The following PCDHB7 variants were observed in gnomAD, a reference collection of about 807,000 sequenced individuals.
PCDHB7 encodes protocadherin beta-7.
For synonymous variants in PCDHB7, 542 were observed against 463.1 expected, an observed-to-expected ratio of 1.17 and a Z score of -2.19; for missense variants, 1,148 against 1,011.6, an observed-to-expected ratio of 1.13 and a Z score of -1.83.
In PCDHB7 at chr5:141,175,279, G is replaced by A; in HGVS notation, c.*62G>A. 2 of 1,470,016 alleles carry A rather than the reference G, an allele frequency of 1.4e-6. No individual in the cohort carries two copies. The highest frequency in any genetic ancestry group is 1.8e-6 in the Non-Finnish European group (2 of 1,083,038). 91.1% of individuals were successfully genotyped at this position (1,470,016 alleles called of 1,614,324 possible). On this transcript the variant is annotated 3_prime_UTR_variant, in exon 1 of 1. Transcript: ENST00000231137. ...TTTCTGATTAGGAACTTATTGCGAGGTTCCCTTAAGGGAGTGTCTTTACAT... is the reference window on the plus strand; with the variant it reads ...TTTCTGATTAGGAACTTATTGCGAGATTCCCTTAAGGGAGTGTCTTTACAT...
chr5:141,173,087 A>G lies in PCDHB7; in HGVS notation c.252A>G (p.Leu84=). The G allele has an allele frequency of 6.2e-7, 1 of 1,614,170 alleles. No homozygotes were observed. The highest frequency in any genetic ancestry group is 1.1e-5 in the South Asian group (1 of 91,076). The change falls in exon 1 of 1, where the codon CTA becomes CTG. Residue 84 remains leucine, a synonymous_variant. Coordinates refer to ENST00000231137, the MANE Select transcript of PCDHB7 (RefSeq NM_018940.4). ...ILLLSSLTGD[L]LLNEKLDREE... is the part of the protein sequence containing the mutation. ...TGCTCAGTTCGCTTACTGGTGATCT[A>G]CTTCTAAATGAGAAATTGGACCGAG...
In PCDHB7 at chr5:141,174,233, C is replaced by T. The variant is rs782335891; in HGVS notation, c.1398C>T (p.Pro466=). 4.3e-6 allele frequency: 7 copies of T among 1,613,244 alleles called. No individual in the cohort carries two copies. Among genetic ancestry groups the T allele is most frequent in the Non-Finnish European group, 5.1e-6 (6 of 1,180,036 alleles). ...TGTTTGTCCGTGAGAACAACAGCCC[C>T]GCCCTGCCCATCGGCAGTGTCAGCG... ...YTLFVRENNS[P]ALPIGSVSAT... Residue 466 remains proline, a synonymous_variant, in exon 1 of 1, where the codon CCC becomes CCT. Transcript: ENST00000231137.
chr5:141,174,706 T>G lies in PCDHB7; in HGVS notation c.1871T>G (p.Val624Gly). The G allele has an allele frequency of 6.2e-7, 1 of 1,610,860 alleles. No homozygotes were observed. Among genetic ancestry groups the G allele is most frequent in the Non-Finnish European group, 8.5e-7 (1 of 1,179,728 alleles). The change falls in exon 1 of 1, where the codon GTG (valine) becomes GGG (glycine). Residue 624 changes from valine (V) to glycine (G), a missense_variant. Transcript: ENST00000231137. ...GGCGTGTGGGCGCACAATGGCGAGG[T>G]GCGTACCGCCAGGCTGCTGAGCGAG... Reference protein sequence around the residue: ...LFGVWAHNGEVRTARLLSERD... With the variant: ...LFGVWAHNGEGRTARLLSERD...
In PCDHB7 at chr5:141,175,969, C is replaced by G. The variant is rs1554280601; in HGVS notation, c.*752C>G. 1 of 167,182 alleles carries G rather than the reference C, an allele frequency of 6.0e-6. No homozygotes were observed. Among genetic ancestry groups the G allele is most frequent in the Non-Finnish European group, 1.5e-5 (1 of 68,202 alleles). 10.4% of individuals were successfully genotyped at this position (167,182 alleles called of 1,614,324 possible). On this transcript the variant is annotated 3_prime_UTR_variant, in exon 1 of 1. Transcript: ENST00000231137. ...CTTATACACCAAAAGTCCTGCTTTT[C>G]TGGGTCAATTTTCAACTATTATTAC...
chr5:141,173,613 A>C lies in PCDHB7; in HGVS notation c.778A>C (p.Met260Leu). The C allele has an allele frequency of 2.5e-6, 4 of 1,614,164 alleles. No individual in the cohort carries two copies. The highest frequency in any genetic ancestry group is 3.4e-6 in the Non-Finnish European group (4 of 1,180,030). Residue 260 changes from methionine (M) to leucine (L), a missense_variant, in exon 1 of 1, where the codon ATG becomes CTG. Coordinates refer to ENST00000231137, the MANE Select transcript of PCDHB7 (RefSeq NM_018940.4). ...QVPENSPVGSMVVSVSARDLD... is the reference protein window; with the variant it reads ...QVPENSPVGSLVVSVSARDLD... ...GCCCGAAAATAGCCCCGTTGGTTCC[A>C]TGGTTGTCTCCGTGTCAGCCAGAGA...
rs1267965723 is a variant in PCDHB7, at chr5:141,176,106, G to A, written c.*889G>A. 1 of 167,114 alleles carries A rather than the reference G, an allele frequency of 6.0e-6. No individual in the cohort carries two copies. The highest frequency in any genetic ancestry group is 2.4e-5 in the African/African-American group (1 of 41,436). 10.4% of individuals were successfully genotyped at this position (167,114 alleles called of 1,614,324 possible). The stretch of plus-strand genomic sequence containing the variant: ...TCATTTCCCAGAAAAAAGATTAATG[G>A]TCCTGAGTAGGAATATTACATAATT... On this transcript the variant is annotated 3_prime_UTR_variant, in exon 1 of 1. Coordinates refer to ENST00000231137, the MANE Select transcript of PCDHB7 (RefSeq NM_018940.4).
rs137933246 is a variant in PCDHB7 at position 141,173,782 on chromosome 5, C to A, written c.947C>A (p.Thr316Lys). Residue 316 changes from threonine to lysine, a missense_variant, in exon 1 of 1, where the codon ACA becomes AAA. Coordinates refer to ENST00000231137, the MANE Select transcript of PCDHB7 (RefSeq NM_018940.4). Reference protein sequence around the residue: ...QLDYEAIQTYTLTIQAKDGGG... With the variant: ...QLDYEAIQTYKLTIQAKDGGG... ...GACTATGAGGCAATTCAAACTTACA[C>A]ATTAACTATTCAGGCCAAAGACGGC... The A allele has an allele frequency of 1.5e-4, 247 of 1,614,024 alleles. No homozygotes were observed. Among genetic ancestry groups the A allele is most frequent in the Non-Finnish European group, 2.1e-4 (243 of 1,180,026 alleles).
Position 141,173,919 on chromosome 5 carries a change from G to T in PCDHB7, c.1084G>T (p.Glu362Ter), listed in dbSNP as rs138641501. 85 of 1,612,616 alleles carry T rather than the reference G, an allele frequency of 5.3e-5. 1 individual carries two copies. Among genetic ancestry groups the T allele is most frequent in the Middle Eastern group, 5.0e-4 (3 of 6,054 alleles). Residue 362 changes from glutamate to a stop codon, truncating the protein, a stop_gained, in exon 1 of 1, where the codon GAG (glutamate) becomes TAG (stop). Coordinates refer to ENST00000231137, the MANE Select transcript of PCDHB7 (RefSeq NM_018940.4). LOFTEE classifies it low-confidence loss of function (END_TRUNC). Reference protein sequence around the residue: ...LTSPIAENSPETVVAVFRIRD... With the variant: ...LTSPIAENSP ...TAGCCCAATTGCAGAAAACTCACCC[G>T]AGACAGTCGTGGCTGTTTTTAGGAT...
Position 141,173,567 on chromosome 5 carries a change from G to T in PCDHB7, c.732G>T (p.Arg244=). The change falls in exon 1 of 1, where the codon CGG becomes CGT. Residue 244 remains arginine, a synonymous_variant. Coordinates refer to ENST00000231137, the MANE Select transcript of PCDHB7 (RefSeq NM_018940.4). The stretch of plus-strand genomic sequence containing the variant: ...ATGACAACGCCCCTGATTTTGTGCG[G>T]TCGCTCTACAAGGTGCAGGTGCCCG... The part of the protein sequence containing the change: ...DVNDNAPDFV[R]SLYKVQVPEN... 6.2e-7 allele frequency: 1 copy of T among 1,613,648 alleles called. No individual in the cohort carries two copies.
chr5:141,172,924 C>A lies in PCDHB7; in HGVS notation c.89C>A (p.Pro30Gln), dbSNP rs1554279853. 1 of 1,614,174 alleles carries A rather than the reference C, an allele frequency of 6.2e-7. No homozygotes were observed. The highest frequency in any genetic ancestry group is 8.5e-7 in the Non-Finnish European group (1 of 1,180,044). Residue 30 changes from proline to glutamine, a missense_variant, in exon 1 of 1, where the codon CCG becomes CAG. Coordinates refer to ENST00000231137, the MANE Select transcript of PCDHB7 (RefSeq NM_018940.4). ...FLGMSWAGAE[P>Q]LRYFVAEETE... ...GGAATGTCTTGGGCTGGCGCCGAAC[C>A]GCTTCGGTATTTTGTGGCGGAGGAA...
At position 141,175,324 on chromosome 5, in the gene PCDHB7, T is replaced by G; in HGVS notation, c.*107T>G. 1.7e-6 allele frequency: 2 copies of G among 1,172,196 alleles called. No individual in the cohort carries two copies. Among genetic ancestry groups the G allele is most frequent in the East Asian group, 2.6e-5 (1 of 38,772 alleles). 72.6% of individuals were successfully genotyped at this position (1,172,196 alleles called of 1,614,324 possible). On this transcript the variant is annotated 3_prime_UTR_variant, in exon 1 of 1. Coordinates refer to ENST00000231137, the MANE Select transcript of PCDHB7 (RefSeq NM_018940.4). ...TTACATCATTTCAAATATGTACTCT[T>G]GAAGTCAAGCAATAAATTTCTATAC...
chr5:141,175,199 G>A lies in PCDHB7; in HGVS notation c.2364G>A (p.Gln788=). The change falls in exon 1 of 1, where the codon CAG becomes CAA. Residue 788 remains glutamine (Q), a synonymous_variant. Coordinates refer to ENST00000231137, the MANE Select transcript of PCDHB7 (RefSeq NM_018940.4). The part of the protein sequence containing the change: ...GREVEENRPF[Q]NNLGF ...AAGTGGAAGAAAATCGCCCATTTCA[G>A]AATAATTTGGGTTTCTGATAAAGAA... 1 of 1,604,666 alleles carries A rather than the reference G, an allele frequency of 6.2e-7. No homozygotes were observed. Among genetic ancestry groups the A allele is most frequent in the Middle Eastern group, 1.7e-4 (1 of 5,996 alleles).
chr5:141,173,073 C>T lies in PCDHB7; in HGVS notation c.238C>T (p.Leu80Phe). ...QNMQILLLSSLTGDLLLNEKL... is the reference protein window; with the variant it reads ...QNMQILLLSSFTGDLLLNEKL... ...CATGCAAATTTTACTGCTCAGTTCG[C>T]TTACTGGTGATCTACTTCTAAATGA... Residue 80 changes from leucine (L) to phenylalanine (F), a missense_variant, in exon 1 of 1, where the codon CTT (leucine) becomes TTT (phenylalanine). Coordinates refer to ENST00000231137, the MANE Select transcript of PCDHB7 (RefSeq NM_018940.4). The T allele has an allele frequency of 6.2e-7, 1 of 1,614,160 alleles. No homozygotes were observed. The highest frequency in any genetic ancestry group is 8.5e-7 in the Non-Finnish European group (1 of 1,180,028).
At position 141,173,753 on chromosome 5, in the gene PCDHB7, A is replaced by G. The variant is rs1753280331; in HGVS notation, c.918A>G (p.Gln306=). 2.5e-6 allele frequency: 4 copies of G among 1,613,918 alleles called. No homozygotes were observed. Among genetic ancestry groups the G allele is most frequent in the Non-Finnish European group, 3.4e-6 (4 of 1,179,950 alleles). Residue 306 remains glutamine (Q), a synonymous_variant, in exon 1 of 1, where the codon CAA becomes CAG. Coordinates refer to ENST00000231137, the MANE Select transcript of PCDHB7 (RefSeq NM_018940.4). The stretch of plus-strand genomic sequence containing the variant: ...CTGGCAGTCTTCATCTTAAAGCGCA[A>G]TTGGACTATGAGGCAATTCAAACTT... ...PTSGSLHLKA[Q]LDYEAIQTYT...
chr5:141,173,153 C>G lies in PCDHB7; in HGVS notation c.318C>G (p.Phe106Leu), dbSNP rs1554279924. The G allele has an allele frequency of 6.2e-7, 1 of 1,613,914 alleles. No homozygotes were observed. Among genetic ancestry groups the G allele is most frequent in the Non-Finnish European group, 8.5e-7 (1 of 1,179,900 alleles). Reference protein sequence around the residue: ...CGPREPCVLPFQLLLEKPFQI... With the variant: ...CGPREPCVLPLQLLLEKPFQI... Reference sequence around the variant, plus strand: ...CCAGAGAGCCCTGTGTGCTGCCTTTCCAGTTGTTATTGGAAAAACCTTTTC... The same window carrying G: ...CCAGAGAGCCCTGTGTGCTGCCTTTGCAGTTGTTATTGGAAAAACCTTTTC... The change falls in exon 1 of 1, where the codon TTC becomes TTG. Residue 106 changes from phenylalanine to leucine, a missense_variant. Phe to Leu is a conservative substitution (Grantham distance 22). Transcript: ENST00000231137.
At position 141,174,164 on chromosome 5, in the gene PCDHB7, C is replaced by G; in HGVS notation, c.1329C>G (p.Asp443Glu). 2 of 1,613,866 alleles carry G rather than the reference C, an allele frequency of 1.2e-6. No homozygotes were observed. Among genetic ancestry groups the G allele is most frequent in the East Asian group, 2.2e-5 (1 of 44,874 alleles). Reference protein sequence around the residue: ...TEHNITVLVSDVNDNAPAFTQ... With the variant: ...TEHNITVLVSEVNDNAPAFTQ... ...ACAACATAACCGTGCTGGTCTCCGA[C>G]GTCAATGACAACGCTCCCGCCTTCA... is the stretch of plus-strand genomic sequence containing the variant. The change falls in exon 1 of 1, where the codon GAC becomes GAG. Residue 443 changes from aspartate to glutamate, a missense_variant. Transcript: ENST00000231137.
In PCDHB7 at chr5:141,173,947, G is replaced by T; in HGVS notation, c.1112G>T (p.Arg371Ile). The stretch of plus-strand genomic sequence containing the variant: ...ACAGTCGTGGCTGTTTTTAGGATTA[G>T]AGACAGAGATTCCGGGAACAATGGA... ...PETVVAVFRI[R>I]DRDSGNNGKT... The change falls in exon 1 of 1, where the codon AGA (arginine) becomes ATA (isoleucine). Residue 371 changes from arginine (R) to isoleucine (I), a missense_variant. By Grantham distance (97) the Arg-to-Ile change is moderately conservative (BLOSUM62 -3). Transcript: ENST00000231137. 6.2e-7 allele frequency: 1 copy of T among 1,613,652 alleles called. No individual in the cohort carries two copies. Among genetic ancestry groups the T allele is most frequent in the East Asian group, 2.2e-5 (1 of 44,860 alleles).
rs1753271892 is a variant in PCDHB7, at chr5:141,173,602, C to A, written c.767C>A (p.Pro256His). 2 of 1,613,972 alleles carry A rather than the reference C, an allele frequency of 1.2e-6. No individual in the cohort carries two copies. Among genetic ancestry groups the A allele is most frequent in the Admixed American group, 1.7e-5 (1 of 59,998 alleles). Residue 256 changes from proline to histidine, a missense_variant, in exon 1 of 1, where the codon CCC becomes CAC. By Grantham distance (77) the Pro-to-His change is moderately conservative. Transcript: ENST00000231137. The part of the protein sequence containing the change: ...LYKVQVPENS[P>H]VGSMVVSVSA... Reference sequence around the variant, plus strand: ...AAGGTGCAGGTGCCCGAAAATAGCCCCGTTGGTTCCATGGTTGTCTCCGTG... The same window carrying A: ...AAGGTGCAGGTGCCCGAAAATAGCCACGTTGGTTCCATGGTTGTCTCCGTG...
In PCDHB7 at chr5:141,174,452, C is replaced by T. The variant is rs17844464; in HGVS notation, c.1617C>T (p.Pro539=). 28 of 1,611,686 alleles carry T rather than the reference C, an allele frequency of 1.7e-5. No homozygotes were observed. The South Asian group carries it at 3.0e-4, about 17-fold the overall frequency. ...FRVGATDRGS[P]ALSSEALVRV... Reference sequence around the variant, plus strand: ...TGGGCGCCACAGACCGCGGCTCCCCCGCGCTGAGCAGCGAGGCGCTGGTGC... The same window carrying T: ...TGGGCGCCACAGACCGCGGCTCCCCTGCGCTGAGCAGCGAGGCGCTGGTGC... Residue 539 remains proline (P), a synonymous_variant, in exon 1 of 1, where the codon CCC becomes CCT. Coordinates refer to ENST00000231137, the MANE Select transcript of PCDHB7 (RefSeq NM_018940.4).
Sources: allele counts gnomAD v4.1 joint callset, GRCh38; gene constraint gnomAD v4.1.1; transcripts MANE v1.5; gene names NCBI Gene and HGNC (gene_info 2026-07-23, HGNC 2026-07-21).